FANCM: variants seen among roughly 807,000 people sequenced by gnomAD.
FANCM encodes the protein Fanconi anemia group M protein.
Under a neutral mutation model 199.5 loss-of-function variants are expected in FANCM, and 140 were observed. The observed-to-expected ratio is 0.70, with a 90% CI of 0.61 to 0.81. The LOEUF (loss-of-function observed/expected upper bound fraction) is 0.81, where lower values mean the gene tolerates loss of function less well. FANCM is among the 30% of genes least tolerant of loss of function. FANCM has a pLI of 0.00. For missense variants in FANCM, 2,410 were observed against 2,421.4 expected, an observed-to-expected ratio of 1.00 and a Z score of 0.10; for synonymous variants, 840 against 836.8, an observed-to-expected ratio of 1.00 and a Z score of -0.07.
chr14:45,198,436 T>C (rs1029110476), intron 21 of FANCM: 14 of 431,372 alleles, frequency 3.2e-5, no homozygotes, highest in South Asian at 1.3e-4. Context: ...CCTTTCTACG[T>C]TGATTCCAGC....
chr14:45,182,625 TACTC>T (rs1384512306), intron 16 of FANCM, among the ~76,000 whole-genome samples: 1 of 152,208 alleles, frequency 6.6e-6, no homozygotes, highest in Non-Finnish European at 1.5e-5. Context: ...AGGTTAATGA[TACTC>T]ACCAGTTTAT....
intron 7 of FANCM, among the ~76,000 whole-genome samples, 177 bp downstream of exon 7, chr14:45,154,999 A>G (rs143896019): frequency 2.6e-4 from 39 of 152,312 alleles, no homozygotes; most frequent in Middle Eastern, 3.4e-3. Context: ...TTTAAAGTTT[A>G]TATGCTTTAA....
chr14:45,157,132 TTTTA>T (rs1887255211), intron 8 of FANCM, among the ~76,000 whole-genome samples: 1 of 152,076 alleles, frequency 6.6e-6, no homozygotes, highest in Non-Finnish European at 1.5e-5. Flanking sequence ...TATATACAAC[TTTTA>T]TTTGTCAATT....
chr14:45,162,898 C>T (rs1887704994), intron 9 of FANCM, among the ~76,000 whole-genome samples: 1 of 151,614 alleles, frequency 6.6e-6, no homozygotes, highest in African/African-American at 2.4e-5. Context: ...AAAAGGACAT[C>T]TGCTTTACTG....
At chr14:45,183,741 T>G (rs1312027329) in intron 16 of FANCM, 33 bp from the exon 17 acceptor site, 2 of 1,547,574 alleles carry the variant, frequency 1.3e-6, no homozygotes, top group East Asian at 4.5e-5. Context: ...AAATATTTTT[T>G]TCTTATGCAA....
At chr14:45,180,042 A>G (rs546764367) in intron 14 of FANCM, among the ~76,000 whole-genome samples, 32 of 152,168 alleles carry the variant, frequency 2.1e-4, no homozygotes, top group Non-Finnish European at 4.3e-4. Flanking sequence ...AAGTCCTTTC[A>G]GCATCCACCA....
At position 45,151,389 on chromosome 14, in the gene FANCM, A is replaced by G. The variant is rs781119621; in HGVS notation, c.919-8A>G. 3.1e-6 allele frequency: 5 copies of G among 1,613,432 alleles called. No individual in the cohort carries two copies. In the East Asian group the frequency reaches 1.1e-4, roughly 36 times the overall value. On this transcript the variant is annotated splice_region_variant and splice_polypyrimidine_tract_variant and intron_variant, in intron 4 of 22. Transcript: ENST00000267430. ...CAAGCTTAAACTAGATTGCTTTTAA[A>G]TTTGCAGATTTTGGAATCATTTGCT...
chr14:45,189,150 T>C lies in FANCM; in HGVS notation c.5128T>C (p.Ser1710Pro). The change falls in exon 20 of 23, where the codon TCT becomes CCT. Residue 1710 changes from serine (S) to proline (P), a missense_variant. Transcript: ENST00000267430. ...GGACCATTGTTTAAATTCAGTGCCT[T>C]CTGGATCTTCTGCGCAGTCCAAGGT... is the stretch of plus-strand genomic sequence containing the variant. ...QQDHCLNSVP[S>P]GSSAQSKVRS... The C allele has an allele frequency of 6.2e-7, 1 of 1,614,208 alleles. No homozygotes were observed. Among genetic ancestry groups the C allele is most frequent in the Non-Finnish European group, 8.5e-7 (1 of 1,180,016 alleles).
Position 45,135,952 on chromosome 14 carries a change from C to A in FANCM, c.-80C>A. On this transcript the variant is annotated 5_prime_UTR_variant, in exon 1 of 23. Coordinates refer to ENST00000267430, the MANE Select transcript of FANCM (RefSeq NM_020937.4). ...GTTCCAGAGTTTTGTGCGAAGGAAA[C>A]CGATGGGGATCGGAACCGTAGCGGT... 6.7e-7 allele frequency: 1 copy of A among 1,500,960 alleles called. No individual in the cohort carries two copies. The highest frequency in any genetic ancestry group is 9.2e-7 in the Non-Finnish European group (1 of 1,082,412). The allele number at this position is 1,500,960 out of a possible 1,614,324, so 93.0% of individuals were successfully genotyped here. A position where few individuals can be genotyped will look rare whatever the true frequency, so the allele number is the denominator to read the frequency against.
In FANCM at chr14:45,189,219, C is replaced by T. The variant is rs374587255; in HGVS notation, c.5197C>T (p.Gln1733Ter). The T allele has an allele frequency of 1.2e-6, 2 of 1,614,118 alleles. No homozygotes were observed. Among genetic ancestry groups the T allele is most frequent in the Non-Finnish European group, 1.7e-6 (2 of 1,179,996 alleles). Residue 1733 changes from glutamine to a stop codon, truncating the protein, a stop_gained, in exon 20 of 23, where the codon CAG (glutamine) becomes TAG (stop). Transcript: ENST00000267430. LOFTEE classifies it high-confidence loss of function. ...RVNPLAKQSK[Q>*]TSLNLKDTIS... ...TAATCCATTAGCAAAGCAGAGCAAA[C>T]AGACATCGCTGAATTTAAAGGATAC... is the stretch of plus-strand genomic sequence containing the variant.
intron 11 of FANCM, among the ~76,000 whole-genome samples, chr14:45,168,122 G>C (rs1215285811): frequency 6.6e-6 from 1 of 152,038 alleles, no homozygotes; most frequent in African/African-American, 2.4e-5. Context: ...TTGTTCAACT[G>C]TTTGTTCCAC....
intron 12 of FANCM, 88 bp from the exon 13 acceptor site, chr14:45,172,967 G>A (rs1289345227): frequency 1.1e-6 from 1 of 950,936 alleles, no homozygotes; most frequent in Non-Finnish European, 1.7e-6. Context: ...ATGTTAAGCT[G>A]ATTATATGTA....
chr14:45,194,812 CTTT>C (rs893058010), intron 20 of FANCM, among the ~76,000 whole-genome samples: 2 of 135,674 alleles, frequency 1.5e-5, no homozygotes, highest in Admixed American at 7.4e-5. Flanking sequence ...TAGGTTGTGC[CTTT>C]TTTTTTTTTT....
chr14:45,148,164 T>A (rs954113238), intron 3 of FANCM, among the ~76,000 whole-genome samples: 1 of 149,872 alleles, frequency 6.7e-6, no homozygotes. Context: ...GCCACTGTGC[T>A]CCAGCCCGGG....
At chr14:45,145,575 T>A (rs990029153) in intron 3 of FANCM, among the ~76,000 whole-genome samples, 3 of 152,162 alleles carry the variant, frequency 2.0e-5, no homozygotes, top group Non-Finnish European at 4.4e-5. Context: ...TTAGATTCTT[T>A]CTCCACACCA....
Position 45,188,913 on chromosome 14 carries a change from A to C in FANCM, c.4891A>C (p.Thr1631Pro). Residue 1631 changes from threonine (T) to proline (P), a missense_variant, in exon 20 of 23, where the codon ACT (threonine) becomes CCT (proline). By Grantham distance (38) the Thr-to-Pro change is conservative. Transcript: ENST00000267430. ...EEVCVDFNLITDDCFANSKKY... is the reference protein window; with the variant it reads ...EEVCVDFNLIPDDCFANSKKY... ...AGTTTGTGTTGATTTTAACTTAATA[A>C]CTGATGATTGCTTTGCAAATAGTAA... The C allele has an allele frequency of 4.3e-6, 7 of 1,613,920 alleles. No homozygotes were observed. The highest frequency in any genetic ancestry group is 5.9e-6 in the Non-Finnish European group (7 of 1,179,880).
intron 3 of FANCM, among the ~76,000 whole-genome samples, chr14:45,144,896 C>G (rs1886252380): frequency 6.6e-6 from 1 of 152,068 alleles, no homozygotes; most frequent in Non-Finnish European, 1.5e-5. Context: ...TTTTCTCAAG[C>G]AGAAGTTTCT....
At chr14:45,168,537 A>C (rs959592774) in intron 11 of FANCM, among the ~76,000 whole-genome samples, 2 of 151,204 alleles carry the variant, frequency 1.3e-5, no homozygotes, top group East Asian at 3.9e-4. Flanking sequence ...CTTTTAAAAA[A>C]TTGAGATAAT....
intron 5 of FANCM, among the ~76,000 whole-genome samples, chr14:45,152,178 A>C (rs1886872482): frequency 6.6e-6 from 1 of 151,876 alleles, no homozygotes; most frequent in African/African-American, 2.4e-5. Flanking sequence ...ACAGGCACGC[A>C]TCACCACGCC....
Sources: allele counts gnomAD v4.1 joint callset (sites outside exome capture counted in the v4.1 genomes callset), GRCh38; gene constraint gnomAD v4.1.1; transcripts MANE v1.5; gene names NCBI Gene and HGNC (gene_info 2026-07-23, HGNC 2026-07-21).